Variants in ZNF385B observed in about 807,000 individuals in gnomAD.
ZNF385B encodes zinc finger protein 385B.
ZNF385B carries 23 observed loss-of-function variants against 39.2 expected under a neutral mutation model. The observed-to-expected ratio is 0.59, with a 90% CI of 0.42 to 0.83. The LOEUF (loss-of-function observed/expected upper bound fraction) is 0.83. ZNF385B is among the 40% of genes least tolerant of loss of function. The pLI is 0.00. For missense variants in ZNF385B, 552 were observed against 598.9 expected (o/e 0.92, Z 0.82); for synonymous variants, 205 against 222.6 (o/e 0.92, Z 0.70).
chr2:179,539,659 T>C (rs570824104), intron 4 of ZNF385B, among the ~76,000 whole-genome samples: 1 of 152,256 alleles, frequency 6.6e-6, no homozygotes, highest in South Asian at 2.1e-4. Context: ...CAATTGTGTG[T>C]ATTTTGGCAG....
At chr2:179,729,285 G>A (rs1295340738) in intron 3 of ZNF385B, among the ~76,000 whole-genome samples, 2 of 152,104 alleles carry the variant, frequency 1.3e-5, no homozygotes, top group African/African-American at 4.8e-5. Flanking sequence ...AAACATCATT[G>A]ACAATCAACA....
intron 3 of ZNF385B, among the ~76,000 whole-genome samples, chr2:179,743,266 T>TC (rs1316946250): frequency 6.6e-6 from 1 of 151,576 alleles, no homozygotes; most frequent in Non-Finnish European, 1.5e-5. Context: ...TAAAACTGAG[T>TC]CCCCCTGACA....
intron 1 of ZNF385B, among the ~76,000 whole-genome samples, chr2:179,778,252 C>T (rs976235456): frequency 1.3e-5 from 2 of 152,338 alleles, no homozygotes; most frequent in South Asian, 4.1e-4. Flanking sequence ...CAGCATGAAA[C>T]AGCAGCAGAG....
At chr2:179,752,786 T>C (rs550832770) in intron 3 of ZNF385B, among the ~76,000 whole-genome samples, 15 of 152,240 alleles carry the variant, frequency 9.9e-5, no homozygotes, top group Non-Finnish European at 1.9e-4. Context: ...GTTGTTTGTT[T>C]TTTTCTTGTA....
chr2:179,572,820 T>C (rs1685382417), intron 3 of ZNF385B, among the ~76,000 whole-genome samples: 1 of 152,048 alleles, frequency 6.6e-6, no homozygotes, highest in Non-Finnish European at 1.5e-5. Context: ...TGTATGGTCC[T>C]CCCCTTCCCA....
chr2:179,518,402 G>T, intron 5 of ZNF385B, 126 bp downstream of exon 5: 1 of 687,962 alleles, frequency 1.5e-6, no homozygotes, highest in Non-Finnish European at 2.4e-6. Flanking sequence ...CTGGCATCCT[G>T]AAATTAGTGG....
intron 1 of ZNF385B, among the ~76,000 whole-genome samples, chr2:179,817,689 GTCAATC>G (rs1707151023): frequency 6.6e-6 from 1 of 151,832 alleles, no homozygotes; most frequent in African/African-American, 2.4e-5. Context: ...GTGTGTGTGT[GTCAATC>G]TGAATGGGTC....
intron 6 of ZNF385B, among the ~76,000 whole-genome samples, chr2:179,460,587 G>A (rs931746550): frequency 2.0e-5 from 3 of 152,172 alleles, no homozygotes; most frequent in Admixed American, 1.3e-4. Context: ...TACAAGATTT[G>A]TGACTTTCCC....
chr2:179,601,243 T>C (rs1003079689), intron 3 of ZNF385B, among the ~76,000 whole-genome samples: 9 of 152,226 alleles, frequency 5.9e-5, no homozygotes, highest in African/African-American at 2.2e-4. Flanking sequence ...GATAGCTTTA[T>C]GCTGAGGGAA....
intron 5 of ZNF385B, among the ~76,000 whole-genome samples, chr2:179,493,770 T>C (rs1183089092): frequency 1.1e-5 from 1 of 88,494 alleles, no homozygotes; most frequent in Non-Finnish European, 2.6e-5. Flanking sequence ...TATGTATACA[T>C]ATATGTATAT....
chr2:179,672,818 G>A (rs34227133), intron 3 of ZNF385B, among the ~76,000 whole-genome samples: 55,647 of 152,004 alleles, frequency 0.37, 10,952 homozygotes, highest in East Asian at 0.58. Flanking sequence ...AATTTCTGTC[G>A]TTTATAAGCC....
intron 5 of ZNF385B, among the ~76,000 whole-genome samples, chr2:179,485,932 C>G (rs1195850280): frequency 6.6e-6 from 1 of 152,114 alleles, no homozygotes; most frequent in Non-Finnish European, 1.5e-5. Context: ...TCTTTTCATA[C>G]ATATCTTTTT....
intron 3 of ZNF385B, among the ~76,000 whole-genome samples, chr2:179,608,014 G>C (rs1688968731): frequency 6.8e-6 from 1 of 147,480 alleles, no homozygotes; most frequent in African/African-American, 2.5e-5. Flanking sequence ...TCCTGGGTTT[G>C]AGCGATTCTC....
intron 4 of ZNF385B, chr2:179,522,838 A>G (rs1458962577): frequency 2.6e-6 from 1 of 391,364 alleles, no homozygotes; most frequent in East Asian, 7.9e-5. Context: ...TTTTTAAAGA[A>G]AAAAATACCC....
chr2:179,805,451 C>T (rs1465687445), intron 1 of ZNF385B, among the ~76,000 whole-genome samples: 1 of 152,220 alleles, frequency 6.6e-6, no homozygotes, highest in Non-Finnish European at 1.5e-5. Flanking sequence ...ATTCATGAAA[C>T]TCCTGGACAG....
intron 5 of ZNF385B, among the ~76,000 whole-genome samples, chr2:179,483,749 G>T (rs1433051466): frequency 2.6e-5 from 4 of 152,170 alleles, no homozygotes; most frequent in African/African-American, 7.2e-5. Context: ...GCCCATTGGG[G>T]CTACTTTTCA....
At chr2:179,744,717 C>T (rs556754161) in intron 3 of ZNF385B, among the ~76,000 whole-genome samples, 3 of 152,154 alleles carry the variant, frequency 2.0e-5, no homozygotes, top group Admixed American at 6.5e-5. Flanking sequence ...TATACATACA[C>T]ACCCCATGTG....
At chr2:179,452,413 T>C (rs1231089588) in intron 6 of ZNF385B, among the ~76,000 whole-genome samples, 3 of 152,094 alleles carry the variant, frequency 2.0e-5, no homozygotes, top group Non-Finnish European at 4.4e-5. Context: ...TATGCTAAGA[T>C]AAAAAGAATA....
intron 1 of ZNF385B, among the ~76,000 whole-genome samples, chr2:179,787,655 C>T (rs1705084461): frequency 6.6e-6 from 1 of 152,168 alleles, no homozygotes; most frequent in Non-Finnish European, 1.5e-5. Context: ...CTGTCCTCCT[C>T]TTCAACTCGT....
Sources: allele counts gnomAD v4.1 joint callset (sites outside exome capture counted in the v4.1 genomes callset), GRCh38; gene constraint gnomAD v4.1.1; transcripts MANE v1.5; gene names NCBI Gene and HGNC (gene_info 2026-07-23, HGNC 2026-07-21).